The following AMBRA1 variants were observed in gnomAD, a reference collection of about 807,000 sequenced individuals.
AMBRA1 encodes the protein activating molecule in BECN1-regulated autophagy protein 1.
A neutral mutation model predicts 125.4 loss-of-function variants in AMBRA1; 47 were observed. That is an observed-to-expected ratio of 0.37 (90% CI 0.30 to 0.48). AMBRA1 has a LOEUF of 0.48. Ranked by LOEUF, AMBRA1 falls within the 20% of genes least tolerant of loss-of-function variation. The probability of loss-of-function intolerance (pLI) is 0.99; values close to 1 mark genes in which losing one functional copy is unlikely to be tolerated. For missense variants in AMBRA1, 1,331 were observed against 1,693.4 expected (o/e 0.79, Z 3.76); for synonymous variants, 626 against 655.5 (o/e 0.95, Z 0.69).
At chr11:46,429,499 C>T (rs1423033644) in intron 14 of AMBRA1, among the ~76,000 whole-genome samples, 2 of 152,196 alleles carry the variant, frequency 1.3e-5, no homozygotes, top group African/African-American at 4.8e-5. Context: ...TTCTTGCTTT[C>T]TAGCTCAAAA....
intron 17 of AMBRA1, among the ~76,000 whole-genome samples, chr11:46,408,051 G>A (rs539490006): frequency 6.6e-6 from 1 of 152,322 alleles, no homozygotes; most frequent in South Asian, 2.1e-4. Flanking sequence ...TGATAGGCCA[G>A]GCTGCAGCCA....
chr11:46,409,130 T>C (rs1171803297), intron 16 of AMBRA1, among the ~76,000 whole-genome samples: 1 of 152,216 alleles, frequency 6.6e-6, no homozygotes, highest in African/African-American at 2.4e-5. Context: ...TCCAACTGTA[T>C]GCTCATAAGA....
At chr11:46,547,783 C>T in intron 3 of AMBRA1, 34 bp downstream of exon 3, 1 of 1,589,388 alleles carries the variant, frequency 6.3e-7, no homozygotes, top group East Asian at 2.3e-5. Flanking sequence ...GCACTGTTAT[C>T]ACAAATCTTA....
At chr11:46,575,585 C>T (rs575875923) in intron 1 of AMBRA1, among the ~76,000 whole-genome samples, 1 of 136,492 alleles carries the variant, frequency 7.3e-6, no homozygotes, top group African/African-American at 2.8e-5. Flanking sequence ...GGTATGATCT[C>T]GGCTCACTGC....
At chr11:46,592,014 C>T (rs1591215177) in intron 1 of AMBRA1, among the ~76,000 whole-genome samples, 1 of 141,922 alleles carries the variant, frequency 7.0e-6, no homozygotes, top group South Asian at 2.3e-4. Context: ...GGCGTGATCT[C>T]GGCTCACCGC....
chr11:46,401,335 G>C (rs1334281320), intron 17 of AMBRA1, among the ~76,000 whole-genome samples: 1 of 152,162 alleles, frequency 6.6e-6, no homozygotes, highest in African/African-American at 2.4e-5. Flanking sequence ...CCACTTCCCG[G>C]GTTCATGCAA....
chr11:46,441,877 C>A (rs540213570), intron 12 of AMBRA1, among the ~76,000 whole-genome samples: 4 of 148,188 alleles, frequency 2.7e-5, no homozygotes, highest in Non-Finnish European at 4.4e-5. Context: ...AGAAGCATTA[C>A]GAGATTTATA....
intron 1 of AMBRA1, among the ~76,000 whole-genome samples, chr11:46,555,597 G>A (rs1312347776): frequency 6.6e-6 from 1 of 152,160 alleles, no homozygotes; most frequent in East Asian, 1.9e-4. Flanking sequence ...CAATTCCCAA[G>A]AGTAGCAGAT....
At chr11:46,565,190 G>A (rs1351054476) in intron 1 of AMBRA1, among the ~76,000 whole-genome samples, 3 of 151,764 alleles carry the variant, frequency 2.0e-5, no homozygotes, top group Admixed American at 2.0e-4. Context: ...CCCAGGAGGC[G>A]AAGGTTGCAA....
chr11:46,578,793 A>G (rs2044058928), intron 1 of AMBRA1, among the ~76,000 whole-genome samples: 2 of 147,268 alleles, frequency 1.4e-5, no homozygotes, highest in African/African-American at 5.0e-5. Flanking sequence ...AGGCAGGAGA[A>G]TGGTGTGAAC....
chr11:46,499,581 T>C (rs890169566), intron 9 of AMBRA1, among the ~76,000 whole-genome samples: 2 of 152,222 alleles, frequency 1.3e-5, no homozygotes, highest in South Asian at 2.1e-4. Flanking sequence ...TAGCCTATTC[T>C]TAATCCTCAG....
intron 7 of AMBRA1, among the ~76,000 whole-genome samples, chr11:46,536,317 T>C (rs1473089111): frequency 6.6e-6 from 1 of 152,162 alleles, no homozygotes; most frequent in Non-Finnish European, 1.5e-5. Context: ...TTTTCTGTCA[T>C]GGGTGCAATA....
At chr11:46,560,930 C>A (rs1011174459) in intron 1 of AMBRA1, among the ~76,000 whole-genome samples, 1 of 152,182 alleles carries the variant, frequency 6.6e-6, no homozygotes, top group Non-Finnish European at 1.5e-5. Flanking sequence ...TACCTTTCAT[C>A]CACCAACAAT....
At chr11:46,484,373 C>T (rs1324915012) in intron 11 of AMBRA1, among the ~76,000 whole-genome samples, 1 of 152,170 alleles carries the variant, frequency 6.6e-6, no homozygotes. Context: ...TGGCATTATA[C>T]TGAGTCATTA....
rs761039216 is a variant in AMBRA1, at chr11:46,542,433, T to G, written c.1584A>C (p.Gln528His). Residue 528 changes from glutamine (Q) to histidine (H), a missense_variant, in exon 7 of 18, where the codon CAA (glutamine) becomes CAC (histidine). Physicochemically the swap from Gln to His is conservative, Grantham distance 24. Around this residue, in one of 4 missense-constraint regions of AMBRA1, gnomAD observed 689 missense variants for 776.5 expected, o/e 0.89. Coordinates refer to ENST00000683756, the MANE Select transcript of AMBRA1 (RefSeq NM_001387011.1). The surrounding 1 kb of genome is among the most constrained non-coding windows in gnomAD (Gnocchi z 5.9). ...QSLSGEAPQT[Q>H]QAQEMLNNNI... ...TATTGTTGAGCATTTCCTGGGCCTG[T>G]TGGGTCTGGGGAGCTTCCCCACTCA... 1.2e-6 allele frequency: 2 copies of G among 1,614,046 alleles called. No individual in the cohort carries two copies. The highest frequency in any genetic ancestry group is 1.7e-5 in the Admixed American group (1 of 60,018).
intron 11 of AMBRA1, among the ~76,000 whole-genome samples, chr11:46,490,637 G>T (rs560962613): frequency 5.1e-4 from 78 of 152,264 alleles, no homozygotes; most frequent in Middle Eastern, 3.4e-3. Flanking sequence ...AACTGCAGGT[G>T]TGTGTCTGCT....
At chr11:46,512,634 A>G in intron 8 of AMBRA1, 93 bp downstream of exon 8, 1 of 927,336 alleles carries the variant, frequency 1.1e-6, no homozygotes, top group Non-Finnish European at 1.6e-6. Context: ...GAGCACCAGG[A>G]CCAGAGAGGC....
At chr11:46,589,609 G>C (rs2044519782) in intron 1 of AMBRA1, among the ~76,000 whole-genome samples, 1 of 152,072 alleles carries the variant, frequency 6.6e-6, no homozygotes, top group African/African-American at 2.4e-5. Flanking sequence ...AATTGGAAGT[G>C]TGAGAGAAAT....
intron 7 of AMBRA1, among the ~76,000 whole-genome samples, chr11:46,527,306 C>A (rs780881095): frequency 6.6e-6 from 1 of 151,322 alleles, no homozygotes; most frequent in Non-Finnish European, 1.5e-5. Context: ...ACAGCAAGAC[C>A]CCATCTCTAC....
Sources: allele counts gnomAD v4.1 joint callset (sites outside exome capture counted in the v4.1 genomes callset), GRCh38; gene constraint gnomAD v4.1.1; regional missense constraint gnomAD v4.1.1; non-coding constraint Gnocchi (gnomAD v3.1); transcripts MANE v1.5; gene names NCBI Gene and HGNC (gene_info 2026-07-23, HGNC 2026-07-21).